The following ANGPT1 variants were observed in gnomAD, a reference collection of about 807,000 sequenced individuals.
The protein encoded by ANGPT1 is angiopoietin-1.
In ANGPT1, 17 loss-of-function variants were observed where a neutral mutation model predicts 62.2. The ratio of observed to expected loss-of-function variants is 0.27; its 90% confidence interval spans 0.19 to 0.41. ANGPT1 has a LOEUF of 0.41. ANGPT1 is among the 10% of genes least tolerant of loss of function. ANGPT1 has a pLI of 1.00. For synonymous variants in ANGPT1, 199 were observed against 198.9 expected, an observed-to-expected ratio of 1.00 and a Z score of 0.00; for missense variants, 478 against 594.9, an observed-to-expected ratio of 0.80 and a Z score of 2.04.
At chr8:107,469,332 T>C (rs1812285643) in intron 1 of ANGPT1, among the ~76,000 whole-genome samples, 1 of 152,054 alleles carries the variant, frequency 6.6e-6, no homozygotes, top group African/African-American at 2.4e-5. Flanking sequence ...GACCACTTGA[T>C]TGATATTCAG....
intron 1 of ANGPT1, among the ~76,000 whole-genome samples, chr8:107,384,061 A>G (rs1276639953): frequency 6.6e-6 from 1 of 152,162 alleles, no homozygotes; most frequent in Non-Finnish European, 1.5e-5. Context: ...CCTTAAAAAG[A>G]CACCCAAAAG....
intron 1 of ANGPT1, among the ~76,000 whole-genome samples, chr8:107,393,254 GA>G (rs1318650947): frequency 2.0e-5 from 3 of 152,066 alleles, no homozygotes; most frequent in African/African-American, 7.2e-5. Context: ...CAAGACTATA[GA>G]GAACAAATAT....
At chr8:107,413,286 G>C (rs1810639862) in intron 1 of ANGPT1, among the ~76,000 whole-genome samples, 1 of 152,016 alleles carries the variant, frequency 6.6e-6, no homozygotes, top group African/African-American at 2.4e-5. Flanking sequence ...TCTTCTTCCT[G>C]GTCCCCTTGG....
intron 1 of ANGPT1, among the ~76,000 whole-genome samples, chr8:107,416,054 C>A (rs1052444643): frequency 6.6e-6 from 1 of 152,096 alleles, no homozygotes; most frequent in African/African-American, 2.4e-5. Flanking sequence ...CTACAGCAAT[C>A]AACATAGAAA....
intron 4 of ANGPT1, among the ~76,000 whole-genome samples, chr8:107,318,935 C>T (rs572843725): frequency 2.0e-5 from 3 of 152,164 alleles, no homozygotes; most frequent in African/African-American, 4.8e-5. Context: ...ATATTATGAT[C>T]CCATTTTAGA....
chr8:107,403,391 G>A (rs1478536965), intron 1 of ANGPT1, among the ~76,000 whole-genome samples: 2 of 152,034 alleles, frequency 1.3e-5, no homozygotes, highest in East Asian at 1.9e-4. Flanking sequence ...ACTGTTATTC[G>A]GCCTCTATTA....
intron 1 of ANGPT1, among the ~76,000 whole-genome samples, chr8:107,374,739 G>GAA (rs1175195349): frequency 1.3e-5 from 2 of 152,196 alleles, no homozygotes; most frequent in African/African-American, 4.8e-5. Flanking sequence ...GAATTGACTT[G>GAA]CATTTCCCAG....
intron 1 of ANGPT1, among the ~76,000 whole-genome samples, chr8:107,386,369 C>T (rs2959349): frequency 0.054 from 8,193 of 152,110 alleles, 260 homozygotes; most frequent in South Asian, 0.12. Context: ...AACAAACCTG[C>T]ATGTTGTACA....
chr8:107,365,922 AG>A (rs1370905125), intron 1 of ANGPT1, among the ~76,000 whole-genome samples: 1 of 151,806 alleles, frequency 6.6e-6, no homozygotes, highest in Non-Finnish European at 1.5e-5. Flanking sequence ...TAGAAATAAA[AG>A]TTTCATTAAA....
intron 1 of ANGPT1, among the ~76,000 whole-genome samples, chr8:107,475,084 C>T (rs1175697594): frequency 6.6e-6 from 1 of 152,194 alleles, no homozygotes; most frequent in Non-Finnish European, 1.5e-5. Flanking sequence ...GACAAAAGTA[C>T]TTTAAAGTTC....
intron 7 of ANGPT1, among the ~76,000 whole-genome samples, chr8:107,271,431 C>A (rs572471614): frequency 6.6e-6 from 1 of 151,968 alleles, no homozygotes. Flanking sequence ...GCATGAATTA[C>A]GGGAATGACT....
At chr8:107,278,666 A>T (rs937226128) in intron 7 of ANGPT1, among the ~76,000 whole-genome samples, 21 of 152,318 alleles carry the variant, frequency 1.4e-4, no homozygotes, top group African/African-American at 4.8e-4. Context: ...GGTGAAGTCC[A>T]GGGGCAGAGA....
chr8:107,275,948 T>G (rs143785929), intron 7 of ANGPT1, among the ~76,000 whole-genome samples: 9 of 152,224 alleles, frequency 5.9e-5, no homozygotes, highest in African/African-American at 2.2e-4. Flanking sequence ...ATGCAGGCAT[T>G]TGTTTTCATC....
chr8:107,482,678 A>G (rs1812719967), intron 1 of ANGPT1, among the ~76,000 whole-genome samples: 1 of 152,100 alleles, frequency 6.6e-6, no homozygotes, highest in Non-Finnish European at 1.5e-5. Context: ...TCTACCTATT[A>G]CTTGTACTTT....
At chr8:107,353,680 C>G (rs776212513) in intron 1 of ANGPT1, among the ~76,000 whole-genome samples, 4 of 152,094 alleles carry the variant, frequency 2.6e-5, no homozygotes, top group Non-Finnish European at 5.9e-5. Flanking sequence ...TTAGTTCAGG[C>G]TTATCACCCC....
At position 107,313,429 on chromosome 8, in the gene ANGPT1, G is replaced by GTTTTTTTTTTT. The variant is rs71308720; in HGVS notation, c.808+8456_808+8466dup. Among the ~76,000 whole-genome samples, 10 of 64,182 alleles carry GTTTTTTTTTTT rather than the reference G, an allele frequency of 1.6e-4. 2 individuals are homozygous for GTTTTTTTTTTT. Among genetic ancestry groups the GTTTTTTTTTTT allele is most frequent in the Admixed American group, 5.3e-4 (2 of 3,744 alleles). 42.1% of individuals were successfully genotyped at this position (64,182 alleles called of 152,430 possible). On this transcript the variant is annotated intron_variant, in intron 4 of 8. Transcript: ENST00000517746. Reference sequence around the variant, plus strand: ...TAGGAAGCTAAAAATGTTACTAGTTGTTTTTTTTTTTTTTTTTTTTTTTTT... The same window carrying GTTTTTTTTTTT: ...TAGGAAGCTAAAAATGTTACTAGTTGTTTTTTTTTTTTTTTTTTTTTTTTTTTTTTTTTTTT...
intron 6 of ANGPT1, among the ~76,000 whole-genome samples, chr8:107,291,314 T>C (rs1183467771): frequency 2.0e-5 from 3 of 152,186 alleles, no homozygotes; most frequent in South Asian, 4.1e-4. Flanking sequence ...AGTATTATCA[T>C]TGTCCTATTT....
At chr8:107,458,655 A>G (rs1466529193) in intron 1 of ANGPT1, among the ~76,000 whole-genome samples, 2 of 152,176 alleles carry the variant, frequency 1.3e-5, no homozygotes, top group African/African-American at 4.8e-5. Flanking sequence ...GTTTGATGCA[A>G]CAATATAACA....
chr8:107,388,785 T>C (rs2130296939), intron 1 of ANGPT1, among the ~76,000 whole-genome samples: 1 of 152,304 alleles, frequency 6.6e-6, no homozygotes, highest in Non-Finnish European at 1.5e-5. Context: ...ATTTCCTGTG[T>C]TATTTTCCTG....
Sources: gnomAD v4.1 joint callset for allele counts (sites outside exome capture counted in the v4.1 genomes callset) on GRCh38, gnomAD v4.1.1 for gene constraint, MANE v1.5 for transcripts, NCBI Gene and HGNC (gene_info 2026-07-23, HGNC 2026-07-21) for gene names.